Variants in MPP7 observed in about 807,000 individuals in gnomAD.
The protein encoded by MPP7 is MAGUK p55 subfamily member 7.
MPP7 carries 60 observed loss-of-function variants against 76.5 expected under a neutral mutation model. That is an observed-to-expected ratio of 0.78 (90% CI 0.64 to 0.97). The LOEUF (loss-of-function observed/expected upper bound fraction) is 0.97. Among genes scored for constraint, MPP7 ranks in the 50% least tolerant of loss-of-function variants. MPP7 has a pLI of 0.00. For missense variants in MPP7, 641 were observed against 694.0 expected, an observed-to-expected ratio of 0.92 and a Z score of 0.86; for synonymous variants, 237 against 244.5, an observed-to-expected ratio of 0.97 and a Z score of 0.29.
intron 11 of MPP7, among the ~76,000 whole-genome samples, chr10:28,102,875 C>T (rs994490114): frequency 6.6e-6 from 1 of 152,186 alleles, no homozygotes; most frequent in African/African-American, 2.4e-5. Context: ...AATCCATTCC[C>T]AACAGATCAG....
intron 1 of MPP7, among the ~76,000 whole-genome samples, chr10:28,279,262 TC>T (rs1201866972): frequency 1.3e-5 from 2 of 152,022 alleles, no homozygotes; most frequent in African/African-American, 4.8e-5. Context: ...CCCAAATAAA[TC>T]CATGCCTTCC....
At chr10:28,325,351 G>C (rs1834401325) in intron 2 of MPP7, among the ~76,000 whole-genome samples, 1 of 152,056 alleles carries the variant, frequency 6.6e-6, no homozygotes, top group Non-Finnish European at 1.5e-5. Flanking sequence ...AACTTGTACT[G>C]ATATTAAGAA....
At chr10:28,331,409 T>G (rs1834468933) in intron 1 of MPP7, among the ~76,000 whole-genome samples, 1 of 152,148 alleles carries the variant, frequency 6.6e-6, no homozygotes, top group Non-Finnish European at 1.5e-5. Flanking sequence ...ATGATATGAA[T>G]TATAAGGCAA....
intron 2 of MPP7, among the ~76,000 whole-genome samples, chr10:28,312,306 T>C (rs1256836414): frequency 6.6e-6 from 1 of 152,304 alleles, no homozygotes; most frequent in Middle Eastern, 3.4e-3. Flanking sequence ...TACAGAGCAC[T>C]GATTGGTGCA....
rs3064135 is a variant in MPP7 at position 28,232,358 on chromosome 10, AACAC to A, written c.37+6206_37+6209del. Among the ~76,000 whole-genome samples the A allele has an allele frequency of 5.5e-3, 804 of 147,322 alleles. 2 individuals are homozygous for A. The highest frequency in any genetic ancestry group is 0.01 in the Middle Eastern group (3 of 288). On this transcript the variant is annotated intron_variant, in intron 2 of 16. Coordinates refer to ENST00000683449, the MANE Select transcript of MPP7 (RefSeq NM_001318170.2). The stretch of plus-strand genomic sequence containing the variant: ...GACAGAGTGAGATCCTGTCTCTTAA[AACAC>A]ACACACACACACACACACACACACA...
intron 11 of MPP7, among the ~76,000 whole-genome samples, chr10:28,116,014 T>C (rs1039839565): frequency 1.3e-5 from 2 of 152,152 alleles, no homozygotes; most frequent in African/African-American, 4.8e-5. Context: ...TCAGCAATAT[T>C]AGAAACTTTT....
Position 28,293,524 on chromosome 10 carries a change from C to T in MPP7, c.-132+9337G>A, listed in dbSNP as rs1308185581. 3.3e-5 allele frequency among the ~76,000 whole-genome samples: 5 copies of T among 152,126 alleles called. No individual in the cohort carries two copies. The East Asian group carries it at 9.6e-4, about 29-fold the overall frequency. ...TTATGCATATGCCAGAGAGAGGGTC[C>T]CCTGGGGGCAAGGAAGAACATGAAT... On this transcript the variant is annotated intron_variant, in intron 1 of 16. Coordinates refer to ENST00000683449, the MANE Select transcript of MPP7 (RefSeq NM_001318170.2).
chr10:28,315,557 T>C (rs1002047085), intron 2 of MPP7, among the ~76,000 whole-genome samples: 1 of 152,220 alleles, frequency 6.6e-6, no homozygotes, highest in Non-Finnish European at 1.5e-5. Flanking sequence ...TTGCGTCTCC[T>C]GAACTGGATG....
chr10:28,078,938 TG>T (rs1852628291), intron 12 of MPP7, among the ~76,000 whole-genome samples: 1 of 152,222 alleles, frequency 6.6e-6, no homozygotes, highest in Admixed American at 6.5e-5. Context: ...AAACAGTCAC[TG>T]TTAACTACAT....
chr10:28,284,419 A>T (rs539766327), intron 1 of MPP7, among the ~76,000 whole-genome samples: 2 of 152,176 alleles, frequency 1.3e-5, no homozygotes, highest in East Asian at 3.9e-4. Flanking sequence ...AAGCAGGAGG[A>T]CCTGTTTCAA....
intron 5 of MPP7, among the ~76,000 whole-genome samples, chr10:28,137,128 C>T (rs763389965): frequency 2.0e-5 from 3 of 152,042 alleles, no homozygotes; most frequent in Non-Finnish European, 4.4e-5. Flanking sequence ...GGATTAAAAA[C>T]GACAGCACAC....
chr10:28,117,543 A>G (rs1834699710), intron 11 of MPP7, among the ~76,000 whole-genome samples: 1 of 152,126 alleles, frequency 6.6e-6, no homozygotes. Context: ...AACCCTAAGT[A>G]CCAAATATTG....
upstream of MPP7, among the ~76,000 whole-genome samples, chr10:28,306,716 GATAGATA>G (rs1841260238): frequency 1.3e-5 from 2 of 150,450 alleles, no homozygotes; most frequent in South Asian, 4.2e-4. Context: ...ATAGATAGAT[GATAGATA>G]ATAGATAGTT....
At chr10:28,106,140 A>C (rs1356875006) in intron 11 of MPP7, among the ~76,000 whole-genome samples, 1 of 152,206 alleles carries the variant, frequency 6.6e-6, no homozygotes, top group Non-Finnish European at 1.5e-5. Context: ...TGTATGCTTA[A>C]CTTCACCTGC....
chr10:28,080,303 G>A (rs1852699498), intron 12 of MPP7, among the ~76,000 whole-genome samples: 1 of 152,026 alleles, frequency 6.6e-6, no homozygotes, highest in Non-Finnish European at 1.5e-5. Flanking sequence ...AAAATTAAGA[G>A]GTCAAAATAA....
chr10:28,120,442 A>G, intron 9 of MPP7, 52 bp from the exon 10 acceptor site: 1 of 1,543,498 alleles, frequency 6.5e-7, no homozygotes, highest in East Asian at 2.3e-5. Context: ...TAAATGTGAA[A>G]TGGCCTATAT....
At chr10:28,070,211 C>CA (rs1411194855) in intron 12 of MPP7, among the ~76,000 whole-genome samples, 1 of 152,074 alleles carries the variant, frequency 6.6e-6, no homozygotes, top group Non-Finnish European at 1.5e-5. Flanking sequence ...TCCTGGCTAA[C>CA]ACGGTGAAAC....
chr10:28,251,614 G>C (rs1265804377), intron 1 of MPP7, among the ~76,000 whole-genome samples: 1 of 152,140 alleles, frequency 6.6e-6, no homozygotes, highest in Non-Finnish European at 1.5e-5. Flanking sequence ...TAACAGAAAA[G>C]TGTTCAAGTT....
intron 2 of MPP7, among the ~76,000 whole-genome samples, chr10:28,207,835 T>C (rs1837999189): frequency 6.6e-6 from 1 of 152,160 alleles, no homozygotes; most frequent in Admixed American, 6.5e-5. Context: ...GGAAAGGCAG[T>C]TATAATCACA....
Sources: gnomAD v4.1 joint callset for allele counts (sites outside exome capture counted in the v4.1 genomes callset) on GRCh38, gnomAD v4.1.1 for gene constraint, MANE v1.5 for transcripts, NCBI Gene and HGNC (gene_info 2026-07-23, HGNC 2026-07-21) for gene names.